The following GRID2 variants were observed in gnomAD, a reference collection of about 807,000 sequenced individuals.
GRID2 encodes the protein glutamate ionotropic receptor delta type subunit 2, also known as glutamate receptor ionotropic, delta-2.
In GRID2, 33 loss-of-function variants were observed where a neutral mutation model predicts 114.8. The ratio of observed to expected loss-of-function variants is 0.29; its 90% CI spans 0.22 to 0.38. GRID2 has a LOEUF of 0.38. Ranked by LOEUF, GRID2 falls within the 10% of genes least tolerant of loss-of-function variation. GRID2 has a pLI of 1.00. For synonymous variants in GRID2, 505 were observed against 449.9 expected, an observed-to-expected ratio of 1.12 and a Z score of -1.55; for missense variants, 1,184 against 1,257.7, an observed-to-expected ratio of 0.94 and a Z score of 0.89.
chr4:92,644,584 G>C (rs1180140905), intron 2 of GRID2, among the ~76,000 whole-genome samples: 1 of 151,606 alleles, frequency 6.6e-6, no homozygotes, highest in African/African-American at 2.4e-5. Context: ...CTAGACTTGT[G>C]TTCCTTGAAC....
rs577644667 is a variant in GRID2 at position 92,717,470 on chromosome 4, C to T, written c.244+127184C>T. Reference sequence around the variant, plus strand: ...TGCCTGTCAAGAAAATGATGTTTGACGAGCTATAAAGCATATTTAATATGC... The same window carrying T: ...TGCCTGTCAAGAAAATGATGTTTGATGAGCTATAAAGCATATTTAATATGC... On this transcript the variant is annotated intron_variant, in intron 2 of 15. Coordinates refer to ENST00000282020, the MANE Select transcript of GRID2 (RefSeq NM_001510.4). 9.9e-5 allele frequency among the ~76,000 whole-genome samples: 15 copies of T among 152,226 alleles called. No individual in the cohort carries two copies. The South Asian group carries it at 1.0e-3, about 11-fold the overall frequency.
chr4:92,839,427 C>T (rs1742719690), intron 2 of GRID2, among the ~76,000 whole-genome samples: 1 of 137,510 alleles, frequency 7.3e-6, no homozygotes, highest in South Asian at 2.7e-4. Flanking sequence ...CCTCCCCCCA[C>T]CACACAACAG....
At chr4:92,680,706 G>C (rs1184360966) in intron 2 of GRID2, among the ~76,000 whole-genome samples, 1 of 152,154 alleles carries the variant, frequency 6.6e-6, no homozygotes, top group Admixed American at 6.6e-5. Flanking sequence ...TACATGACAA[G>C]GGAGAACCCT....
chr4:92,822,341 G>A, intron 2 of GRID2: 1 of 628,206 alleles, frequency 1.6e-6, no homozygotes, highest in Non-Finnish European at 3.1e-6. Context: ...GACAGTCACA[G>A]TGTTCAGATG....
intron 8 of GRID2, among the ~76,000 whole-genome samples, chr4:93,302,262 T>C (rs940513472): frequency 2.6e-5 from 4 of 152,232 alleles, no homozygotes; most frequent in African/African-American, 9.6e-5. Flanking sequence ...TCTAAAAATA[T>C]GCTAAAGCCA....
intron 2 of GRID2, among the ~76,000 whole-genome samples, chr4:92,996,507 G>A (rs1227360495): frequency 6.6e-6 from 1 of 152,038 alleles, no homozygotes; most frequent in African/African-American, 2.4e-5. Flanking sequence ...TCTGTAACAT[G>A]GGGAAACAGG....
At chr4:93,053,834 C>T (rs915416536) in intron 2 of GRID2, among the ~76,000 whole-genome samples, 17 of 151,856 alleles carry the variant, frequency 1.1e-4, no homozygotes, top group African/African-American at 4.1e-4. Context: ...GATGCTTACA[C>T]AACAAACACA....
At chr4:93,200,565 CA>C (rs1193157530) in intron 4 of GRID2, among the ~76,000 whole-genome samples, 1 of 102,308 alleles carries the variant, frequency 9.8e-6, no homozygotes. Flanking sequence ...GACTCCGTCT[CA>C]AAACAAACAA....
intron 2 of GRID2, among the ~76,000 whole-genome samples, chr4:92,720,875 T>C (rs968296708): frequency 3.3e-5 from 5 of 152,072 alleles, no homozygotes; most frequent in Non-Finnish European, 7.4e-5. Context: ...CAGCATTATT[T>C]ACAATAGACA....
rs1276094326 is a variant in GRID2, at chr4:92,699,638, G to A, written c.244+109352G>A. 4.6e-5 allele frequency among the ~76,000 whole-genome samples: 7 copies of A among 152,066 alleles called. No individual in the cohort carries two copies. The East Asian group carries it at 1.2e-3, about 25-fold the overall frequency. ...TAATTTTCGTTGCTGTTGTATAGCTGAATAACATGAGCACAAAATCAAGCA... is the reference window on the plus strand; with the variant it reads ...TAATTTTCGTTGCTGTTGTATAGCTAAATAACATGAGCACAAAATCAAGCA... On this transcript the variant is annotated intron_variant, in intron 2 of 15. Coordinates refer to ENST00000282020, the MANE Select transcript of GRID2 (RefSeq NM_001510.4).
rs952985392 is a variant in GRID2, at chr4:92,885,044, C to T, written c.245-199951C>T. ...ACAAGCTGAAAAACAGGAACAGATT[C>T]TTCTTTCCTCTTAAACAATTCAACC... On this transcript the variant is annotated intron_variant, in intron 2 of 15. Transcript: ENST00000282020. 22 of 294,856 alleles carry T rather than the reference C, an allele frequency of 7.5e-5. No individual in the cohort carries two copies. The Admixed American group carries it at 9.2e-4, about 12-fold the overall frequency. The allele number at this position is 294,856 out of a possible 1,614,324, so 18.3% of individuals were successfully genotyped here.
At chr4:92,398,252 G>A (rs1198814960) in intron 1 of GRID2, among the ~76,000 whole-genome samples, 2 of 152,090 alleles carry the variant, frequency 1.3e-5, no homozygotes, top group South Asian at 2.1e-4. Context: ...AGATGCCAAA[G>A]AGCAGCATGT....
At chr4:93,252,795 C>G (rs1489137720) in intron 8 of GRID2, among the ~76,000 whole-genome samples, 1 of 151,978 alleles carries the variant, frequency 6.6e-6, no homozygotes, top group Non-Finnish European at 1.5e-5. Context: ...CCCTTGTTAG[C>G]TGTATTCCTA....
intron 8 of GRID2, among the ~76,000 whole-genome samples, chr4:93,361,732 T>A (rs1408553639): frequency 6.6e-6 from 1 of 152,238 alleles, no homozygotes; most frequent in South Asian, 2.1e-4. Flanking sequence ...TCTTATAACA[T>A]TTGAATGAAA....
At chr4:92,540,598 A>T (rs1377759610) in intron 1 of GRID2, among the ~76,000 whole-genome samples, 1 of 152,218 alleles carries the variant, frequency 6.6e-6, no homozygotes, top group Admixed American at 6.5e-5. Flanking sequence ...ATGAGATATC[A>T]TCTTACACCA....
chr4:92,847,744 G>T (rs1237407902), intron 2 of GRID2, among the ~76,000 whole-genome samples: 1 of 151,844 alleles, frequency 6.6e-6, no homozygotes, highest in Non-Finnish European at 1.5e-5. Context: ...TTATTTTATG[G>T]AATGGAATCA....
At chr4:92,567,014 A>G (rs1350022857) in intron 1 of GRID2, among the ~76,000 whole-genome samples, 2 of 152,076 alleles carry the variant, frequency 1.3e-5, no homozygotes, top group Non-Finnish European at 2.9e-5. Flanking sequence ...TTATTCAGTT[A>G]GTATCTTTTT....
intron 4 of GRID2, among the ~76,000 whole-genome samples, chr4:93,185,318 A>G (rs1350469917): frequency 6.6e-6 from 1 of 152,176 alleles, no homozygotes; most frequent in Non-Finnish European, 1.5e-5. Flanking sequence ...TCCTGTGATA[A>G]AATAGTGGTT....
At chr4:92,329,563 A>G (rs963863225) in intron 1 of GRID2, among the ~76,000 whole-genome samples, 1 of 152,090 alleles carries the variant, frequency 6.6e-6, no homozygotes, top group Admixed American at 6.6e-5. Context: ...TACTTTATAG[A>G]GTTGTTAGGA....
Sources: gnomAD v4.1 joint callset for allele counts (sites outside exome capture counted in the v4.1 genomes callset) on GRCh38, gnomAD v4.1.1 for gene constraint, MANE v1.5 for transcripts, NCBI Gene and HGNC (gene_info 2026-07-23, HGNC 2026-07-21) for gene names.